WDR7: variants seen among roughly 807,000 people sequenced by gnomAD.
WDR7 encodes WD repeat-containing protein 7.
A neutral mutation model predicts 169.4 loss-of-function variants in WDR7; 46 were observed. The observed-to-expected ratio is 0.27, with a 90% CI of 0.21 to 0.35. The LOEUF is 0.35. Among genes scored for constraint, WDR7 ranks in the 10% least tolerant of loss-of-function variants. The probability of loss-of-function intolerance (pLI) is 1.00; values close to 1 mark genes in which losing one functional copy is unlikely to be tolerated. For synonymous variants in WDR7, 612 were observed against 666.8 expected (o/e 0.92, Z 1.27); for missense variants, 1,534 against 1,859.3 (o/e 0.83, Z 3.22).
chr18:56,875,109 G>A lies in WDR7; in HGVS notation c.3305-4835G>A, dbSNP rs371850213. On this transcript the variant is annotated intron_variant, in intron 20 of 27. Transcript: ENST00000254442. Reference sequence around the variant, plus strand: ...TGGAATTTAAAGTGTATACTATAAAGTCGTGTCCTCCAGAAGTTTTTTAAA... The same window carrying A: ...TGGAATTTAAAGTGTATACTATAAAATCGTGTCCTCCAGAAGTTTTTTAAA... 6.8e-4 allele frequency among the ~76,000 whole-genome samples: 104 copies of A among 152,230 alleles called. 3 individuals carry two copies. In the South Asian group the frequency reaches 0.02, roughly 30 times the overall value.
intron 1 of WDR7, among the ~76,000 whole-genome samples, chr18:56,653,568 A>G (rs1283410428): frequency 6.6e-6 from 1 of 152,094 alleles, no homozygotes; most frequent in East Asian, 1.9e-4. Context: ...CCCATATGCA[A>G]CCATTCTGTA....
At chr18:56,924,234 C>T in intron 22 of WDR7, 126 bp downstream of exon 22, 1 of 1,099,656 alleles carries the variant, frequency 9.1e-7, no homozygotes, top group Non-Finnish European at 1.3e-6. Context: ...ACAAATGTTT[C>T]AATATGTGAA....
In WDR7 at chr18:56,756,592, C is replaced by T; in HGVS notation, c.1999C>T (p.Pro667Ser). ...AAAATATTTATTACAGGGAAATTTA[C>T]CTAAATATTCTCATAACTCCCTGAT... ...ASEASDKGNL[P>S]KYSHNSLMVQ... is the part of the protein sequence containing the mutation. Residue 667 changes from proline to serine, a missense_variant, in exon 15 of 28, where the codon CCT (proline) becomes TCT (serine). Coordinates refer to ENST00000254442, the MANE Select transcript of WDR7 (RefSeq NM_015285.3). 6.4e-7 allele frequency: 1 copy of T among 1,572,040 alleles called. No homozygotes were observed. The highest frequency in any genetic ancestry group is 8.6e-7 in the Non-Finnish European group (1 of 1,162,702).
chr18:56,775,110 G>C (rs2044221260), intron 16 of WDR7, among the ~76,000 whole-genome samples: 1 of 151,978 alleles, frequency 6.6e-6, no homozygotes, highest in Non-Finnish European at 1.5e-5. Context: ...ACTTGTGTTA[G>C]GGTAATGACC....
At chr18:56,711,869 C>T (rs952176675) in intron 12 of WDR7, among the ~76,000 whole-genome samples, 4 of 151,918 alleles carry the variant, frequency 2.6e-5, no homozygotes, top group African/African-American at 9.7e-5. Flanking sequence ...TGTTCCATAG[C>T]AAGAGTTCTG....
intron 19 of WDR7, among the ~76,000 whole-genome samples, chr18:56,804,864 A>C (rs2044742244): frequency 6.6e-6 from 1 of 152,242 alleles, no homozygotes. Flanking sequence ...ACATACATGC[A>C]CAAATGCTTA....
At chr18:56,913,206 G>T (rs1482456436) in intron 21 of WDR7, among the ~76,000 whole-genome samples, 1 of 151,982 alleles carries the variant, frequency 6.6e-6, no homozygotes, top group Non-Finnish European at 1.5e-5. Flanking sequence ...TTCTGTATTG[G>T]TCTCCAGATT....
chr18:56,768,850 A>G (rs112930111), intron 16 of WDR7, among the ~76,000 whole-genome samples: 12 of 152,340 alleles, frequency 7.9e-5, no homozygotes, highest in African/African-American at 2.6e-4. Flanking sequence ...CAAATAATCT[A>G]TATGAAGTAA....
intron 12 of WDR7, among the ~76,000 whole-genome samples, chr18:56,700,583 T>G (rs1321546197): frequency 9.2e-4 from 42 of 45,618 alleles, no homozygotes; most frequent in African/African-American, 2.4e-3. Context: ...TTTTTTTTTT[T>G]TTTTGAGACG....
At chr18:56,881,045 G>GA (rs2145484045) in intron 21 of WDR7, among the ~76,000 whole-genome samples, 1 of 152,248 alleles carries the variant, frequency 6.6e-6, no homozygotes, top group African/African-American at 2.4e-5. Flanking sequence ...TTAAGCAAGA[G>GA]AAAAAGATGC....
At chr18:56,794,173 A>G (rs755305350) in intron 19 of WDR7, among the ~76,000 whole-genome samples, 5 of 151,862 alleles carry the variant, frequency 3.3e-5, no homozygotes, top group Non-Finnish European at 7.4e-5. Flanking sequence ...GCCTAGTTTC[A>G]ATGGTTACTG....
At chr18:56,801,686 T>C (rs1311115157) in intron 19 of WDR7, among the ~76,000 whole-genome samples, 1 of 151,954 alleles carries the variant, frequency 6.6e-6, no homozygotes, top group Admixed American at 6.6e-5. Context: ...CAAAATTCCA[T>C]ATAAATGGAA....
chr18:56,934,877 G>T (rs1189997480), intron 22 of WDR7, among the ~76,000 whole-genome samples: 1 of 152,116 alleles, frequency 6.6e-6, no homozygotes, highest in Non-Finnish European at 1.5e-5. Flanking sequence ...AACTATAATT[G>T]TATTCCATAC....
In WDR7 at chr18:57,027,340, C is replaced by A; in HGVS notation, c.*133C>A. ...GTGCCATCCAGTGGCACGGCCGGGT[C>A]TTGTCACTTGTGCATGCTTCTCAGG... On this transcript the variant is annotated 3_prime_UTR_variant, in exon 28 of 28. Transcript: ENST00000254442. 1 of 936,390 alleles carries A rather than the reference C, an allele frequency of 1.1e-6. No individual in the cohort carries two copies. Among genetic ancestry groups the A allele is most frequent in the Non-Finnish European group, 1.6e-6 (1 of 636,370 alleles). 58.0% of individuals were successfully genotyped at this position (936,390 alleles called of 1,614,324 possible).
downstream of WDR7, chr18:57,032,844 T>TATACAC (rs1464286392): frequency 3.2e-5 from 4 of 123,746 alleles, no homozygotes; most frequent in Admixed American, 1.7e-4. Flanking sequence ...TATATATATA[T>TATACAC]ACAGTGTAAT....
intron 19 of WDR7, among the ~76,000 whole-genome samples, chr18:56,813,204 A>G (rs1157466169): frequency 1.8e-4 from 28 of 152,206 alleles, no homozygotes; most frequent in Admixed American, 1.6e-3. Flanking sequence ...ATTAAAAAAA[A>G]AAAATTAACC....
rs956768868 is a variant in WDR7 at position 56,744,891 on chromosome 18, G to T, written c.1990-11692G>T. 3.9e-5 allele frequency among the ~76,000 whole-genome samples: 6 copies of T among 152,278 alleles called. No homozygotes were observed. The East Asian group carries it at 7.7e-4, about 20-fold the overall frequency. On this transcript the variant is annotated intron_variant, in intron 14 of 27. Transcript: ENST00000254442. ...CAGAGTGGGGATATTAGCATTTAAG[G>T]TTTCTCAGGTAAGGACAGGACCCAG...
intron 20 of WDR7, among the ~76,000 whole-genome samples, chr18:56,878,732 A>G (rs1206344954): frequency 6.6e-6 from 1 of 151,768 alleles, no homozygotes; most frequent in African/African-American, 2.4e-5. Context: ...TTTTACCCCC[A>G]CTCCAGCCAA....
chr18:56,718,300 C>T lies in WDR7; in HGVS notation c.1774+141C>T, dbSNP rs2026238557. The stretch of plus-strand genomic sequence containing the variant: ...CTTTTATTTCTAATTGTTTAAGTGG[C>T]CTCTTTTTTGTTCTGCTATGCCAAA... On this transcript the variant is annotated intron_variant, in intron 13 of 27. Coordinates refer to ENST00000254442, the MANE Select transcript of WDR7 (RefSeq NM_015285.3). The T allele has an allele frequency of 4.4e-6, 4 of 912,518 alleles. No individual in the cohort carries two copies. In the Admixed American group the frequency reaches 1.3e-4, roughly 29 times the overall value. 56.5% of individuals were successfully genotyped at this position (912,518 alleles called of 1,614,324 possible).
Sources: allele counts gnomAD v4.1 joint callset (sites outside exome capture counted in the v4.1 genomes callset), GRCh38; gene constraint gnomAD v4.1.1; transcripts MANE v1.5; gene names NCBI Gene and HGNC (gene_info 2026-07-23, HGNC 2026-07-21).